DOCK5: variants seen among roughly 807,000 people sequenced by gnomAD.
DOCK5 encodes the protein dedicator of cytokinesis protein 5.
Under a neutral mutation model 251.8 loss-of-function variants are expected in DOCK5, and 142 were observed. The observed-to-expected ratio is 0.56, with a 90% CI of 0.49 to 0.65. The LOEUF is 0.65. DOCK5 is among the 30% of genes least tolerant of loss of function. The probability of loss-of-function intolerance (pLI) is 0.00; values close to 1 mark genes in which losing one functional copy is unlikely to be tolerated. For synonymous variants in DOCK5, 842 were observed against 835.5 expected (o/e 1.01, Z -0.13); for missense variants, 2,111 against 2,312.3 (o/e 0.91, Z 1.79).
At position 25,340,903 on chromosome 8, in the gene DOCK5, A is replaced by T; in HGVS notation, c.2354A>T (p.Asp785Val). 6 of 1,613,684 alleles carry T rather than the reference A, an allele frequency of 3.7e-6. No homozygotes were observed. Among genetic ancestry groups the T allele is most frequent in the Non-Finnish European group, 5.1e-6 (6 of 1,179,770 alleles). Reference protein sequence around the residue: ...LRFYGQSKDGDEFNNSIRQLF... With the variant: ...LRFYGQSKDGVEFNNSIRQLF... ...TTTTATGGGCAGAGCAAAGATGGAG[A>T]TGAGTTTAATAATTCAATTCGCCAG... Residue 785 changes from aspartate to valine, a missense_variant, in exon 23 of 52, where the codon GAT becomes GTT. Asp to Val is a radical substitution (Grantham distance 152, BLOSUM62 -3). Around this residue, in one of 3 missense-constraint regions of DOCK5, gnomAD observed 1,717 missense variants for 1,892.4 expected, o/e 0.91. Transcript: ENST00000276440.
chr8:25,411,185 C>A lies in DOCK5; in HGVS notation c.5509-9C>A. 1 of 1,552,146 alleles carries A rather than the reference C, an allele frequency of 6.4e-7. No homozygotes were observed. Among genetic ancestry groups the A allele is most frequent in the Middle Eastern group, 1.7e-4 (1 of 5,912 alleles). On this transcript the variant is annotated splice_polypyrimidine_tract_variant and intron_variant, in intron 51 of 51. Coordinates refer to ENST00000276440, the MANE Select transcript of DOCK5 (RefSeq NM_024940.8). ...ACCTGCTTCTAATTTTGTGTTTCTG[C>A]TTCTGCAGCTCGCTCCCCCACTGCC...
chr8:25,252,426 A>G (rs1422788648), intron 2 of DOCK5, among the ~76,000 whole-genome samples: 1 of 152,248 alleles, frequency 6.6e-6, no homozygotes, highest in African/African-American at 2.4e-5. Context: ...TTCAAAATCT[A>G]TATAGTCTCC....
chr8:25,306,952 T>C (rs1322791125), intron 11 of DOCK5, among the ~76,000 whole-genome samples: 1 of 152,196 alleles, frequency 6.6e-6, no homozygotes, highest in East Asian at 1.9e-4. Context: ...GCTCCTAGAC[T>C]GTAAACCTGT....
intron 1 of DOCK5, among the ~76,000 whole-genome samples, chr8:25,222,003 C>T (rs1166325788): frequency 6.6e-6 from 1 of 152,174 alleles, no homozygotes; most frequent in Non-Finnish European, 1.5e-5. Flanking sequence ...TGCTCTGAAT[C>T]TTACCTTTTC....
chr8:25,300,791 C>T, intron 9 of DOCK5, 134 bp downstream of exon 9: 1 of 882,768 alleles, frequency 1.1e-6, no homozygotes, highest in Non-Finnish European at 1.7e-6. Context: ...GAATAACCCA[C>T]CCATTTATTC....
chr8:25,243,159 G>A (rs936417389), intron 1 of DOCK5, among the ~76,000 whole-genome samples: 4 of 152,050 alleles, frequency 2.6e-5, no homozygotes, highest in Non-Finnish European at 4.4e-5. Flanking sequence ...CATGTGATTT[G>A]CCCCTCTATC....
intron 45 of DOCK5, 41 bp from the exon 46 acceptor site, chr8:25,399,870 G>A (rs753024543): frequency 5.0e-5 from 75 of 1,487,716 alleles, no homozygotes; most frequent in Non-Finnish European, 6.8e-5. Flanking sequence ...TGCACAGATA[G>A]GAATGTGTTC....
intron 44 of DOCK5, among the ~76,000 whole-genome samples, chr8:25,394,920 C>G (rs1341076257): frequency 1.3e-5 from 2 of 151,886 alleles, no homozygotes; most frequent in Admixed American, 1.3e-4. Flanking sequence ...GACAATTTTT[C>G]CATGGACCTG....
chr8:25,234,573 A>G lies in DOCK5; in HGVS notation c.44-9101A>G, dbSNP rs373655672. On this transcript the variant is annotated intron_variant, in intron 1 of 51. Coordinates refer to ENST00000276440, the MANE Select transcript of DOCK5 (RefSeq NM_024940.8). Reference sequence around the variant, plus strand: ...GAGAAAAATGGAGGCTAATAGAACTATAGGCATGAATAACATTAGCATGTG... The same window carrying G: ...GAGAAAAATGGAGGCTAATAGAACTGTAGGCATGAATAACATTAGCATGTG... 1.2e-4 allele frequency among the ~76,000 whole-genome samples: 19 copies of G among 152,378 alleles called. No homozygotes were observed. The East Asian group carries it at 1.3e-3, about 11-fold the overall frequency.
chr8:25,280,518 G>A (rs1186569557), intron 5 of DOCK5, among the ~76,000 whole-genome samples: 2 of 152,156 alleles, frequency 1.3e-5, no homozygotes, highest in East Asian at 3.8e-4. Flanking sequence ...TGGTGGAAAA[G>A]CACATGGTAT....
chr8:25,295,097 G>A (rs1334849552), intron 6 of DOCK5, among the ~76,000 whole-genome samples: 1 of 152,148 alleles, frequency 6.6e-6, no homozygotes, highest in Non-Finnish European at 1.5e-5. Flanking sequence ...AGAGTTTACT[G>A]TATGCTACAT....
chr8:25,320,246 C>T (rs542909066), intron 15 of DOCK5, among the ~76,000 whole-genome samples: 85 of 152,230 alleles, frequency 5.6e-4, no homozygotes, highest in African/African-American at 2.0e-3. Context: ...TCCATCAGCT[C>T]TTTCTGGTTG....
intron 1 of DOCK5, among the ~76,000 whole-genome samples, chr8:25,237,424 A>G (rs1387129639): frequency 2.0e-5 from 3 of 152,176 alleles, no homozygotes; most frequent in Non-Finnish European, 4.4e-5. Flanking sequence ...TCTAGCCTAC[A>G]GACTTTTCAT....
intron 3 of DOCK5, among the ~76,000 whole-genome samples, chr8:25,274,230 C>T (rs974278552): frequency 6.6e-6 from 1 of 152,162 alleles, no homozygotes; most frequent in African/African-American, 2.4e-5. Flanking sequence ...GTATATATGC[C>T]TCCGGGCACT....
At position 25,210,045 on chromosome 8, in the gene DOCK5, T is replaced by TAAAAAA. The variant is rs1563309191; in HGVS notation, c.43+25094_43+25095insAAAAAA. Among the ~76,000 whole-genome samples, 4 of 20,650 alleles carry TAAAAAA rather than the reference T, an allele frequency of 1.9e-4. 2 individuals are homozygous for TAAAAAA. Among genetic ancestry groups the TAAAAAA allele is most frequent in the African/African-American group, 9.2e-4 (4 of 4,340 alleles). 13.5% of individuals were successfully genotyped at this position (20,650 alleles called of 152,430 possible). A position where few individuals can be genotyped will look rare whatever the true frequency, so the allele number is the denominator to read the frequency against. On this transcript the variant is annotated intron_variant, in intron 1 of 51. Transcript: ENST00000276440. The stretch of plus-strand genomic sequence containing the variant: ...ATATATATATATATAAATGTGTGTG[T>TAAAAAA]GTGTGTGTGTGTGTGTGTGTGTGTA...
chr8:25,339,250 G>T (rs1805890599), intron 22 of DOCK5, among the ~76,000 whole-genome samples: 1 of 152,060 alleles, frequency 6.6e-6, no homozygotes, highest in African/African-American at 2.4e-5. Flanking sequence ...ACCTCAATCA[G>T]CAAAACACCA....
rs1804688213 is a variant in DOCK5, at chr8:25,299,000, C to G, written c.663C>G (p.Thr221=). Residue 221 remains threonine, a synonymous_variant, in exon 8 of 52, where the codon ACC becomes ACG. Coordinates refer to ENST00000276440, the MANE Select transcript of DOCK5 (RefSeq NM_024940.8). The part of the protein sequence containing the change: ...RGQSIFSTIH[T]YGLYVNFKNF... ...AGTCCATCTTCAGTACCATCCACACCTATGGCCTCTATGTGAACTTCAAGA... is the reference window on the plus strand; with the variant it reads ...AGTCCATCTTCAGTACCATCCACACGTATGGCCTCTATGTGAACTTCAAGA... The G allele has an allele frequency of 1.2e-6, 2 of 1,613,966 alleles. No homozygotes were observed. Among genetic ancestry groups the G allele is most frequent in the Non-Finnish European group, 1.7e-6 (2 of 1,179,872 alleles).
rs888457090 is a variant in DOCK5, at chr8:25,366,602, A to G, written c.3124-268A>G. Among the ~76,000 whole-genome samples the G allele has an allele frequency of 3.9e-5, 6 of 152,194 alleles. No homozygotes were observed. The South Asian group carries it at 1.2e-3, about 32-fold the overall frequency. ...TTTGAAACATAGTGCCAAAGTACAT[A>G]CTATAAATAGATACACTTCTTGGCA... On this transcript the variant is annotated intron_variant, in intron 30 of 51. Transcript: ENST00000276440.
rs773007839 is a variant in DOCK5, at chr8:25,266,172, C to T, written c.128-2673C>T. Among the ~76,000 whole-genome samples the T allele has an allele frequency of 4.3e-4, 65 of 151,682 alleles. 1 individual carries two copies. Among genetic ancestry groups the T allele is most frequent in the Non-Finnish European group, 7.9e-4 (54 of 67,996 alleles). On this transcript the variant is annotated intron_variant, in intron 2 of 51. Transcript: ENST00000276440. ...CTGCGGACCACTTCACACCACCCAC[C>T]GATTGCAGCTACTGATATGCCCATC...
Sources: gnomAD v4.1 joint callset for allele counts (sites outside exome capture counted in the v4.1 genomes callset) on GRCh38, gnomAD v4.1.1 for gene constraint, gnomAD v4.1.1 regional missense constraint, MANE v1.5 for transcripts, NCBI Gene and HGNC (gene_info 2026-07-23, HGNC 2026-07-21) for gene names.